Variants in ABHD2 observed in about 807,000 individuals in gnomAD.
ABHD2 encodes monoacylglycerol lipase ABHD2.
Under a neutral mutation model 48.1 loss-of-function variants are expected in ABHD2, and 20 were observed. The observed-to-expected ratio is 0.42, with a 90% confidence interval of 0.29 to 0.60. The LOEUF is 0.60. Among genes scored for constraint, ABHD2 ranks in the 20% least tolerant of loss-of-function variants. The pLI is 0.24. For missense variants in ABHD2, 405 were observed against 550.9 expected, an observed-to-expected ratio of 0.74 and a Z score of 2.65; for synonymous variants, 209 against 214.2, an observed-to-expected ratio of 0.98 and a Z score of 0.21.
chr15:89,183,382 AAAATATATATATATAT>A (rs1308718836), intron 6 of ABHD2: 964 of 55,572 alleles, frequency 0.017, 16 homozygotes, highest in African/African-American at 0.055. Flanking sequence ...AAAAAAAAAA[AAAATATATATATATAT>A]ATATATATAT....
chr15:89,068,275 C>G, the ABHD2 span, among the ~76,000 whole-genome samples: 5 of 152,136 alleles, frequency 3.3e-5, no homozygotes, highest in Admixed American at 3.3e-4. Context: ...TGCTACATAA[C>G]AAACCACCCC....
At chr15:89,115,947 A>T (rs2049953096) in intron 2 of ABHD2, among the ~76,000 whole-genome samples, 1 of 152,176 alleles carries the variant, frequency 6.6e-6, no homozygotes, top group African/African-American at 2.4e-5. Flanking sequence ...CTGTTAACAA[A>T]AATCAAAGTG....
rs1049917580 is a variant in ABHD2, at chr15:89,188,331, G to C, written c.926+28G>C. On this transcript the variant is annotated intron_variant, in intron 8 of 10. Transcript: ENST00000352732. This position sits in a 1 kb window ranked among gnomAD's most constrained non-coding sequence, Gnocchi z 4.1. ...GTGTCCGCGCAGGCGGGAGAGGGAC[G>C]CTCTGGGGCAGGGTGCCAGGCAGGA... The C allele has an allele frequency of 6.2e-7, 1 of 1,602,404 alleles. No homozygotes were observed. Among genetic ancestry groups the C allele is most frequent in the East Asian group, 2.2e-5 (1 of 44,816 alleles).
At chr15:89,141,739 C>T (rs1049656475) in intron 3 of ABHD2, among the ~76,000 whole-genome samples, 1 of 152,112 alleles carries the variant, frequency 6.6e-6, no homozygotes, top group Non-Finnish European at 1.5e-5. Flanking sequence ...GTCTCTTTAC[C>T]CTTTCTCCTG....
At chr15:89,048,990 T>A in the ABHD2 span, among the ~76,000 whole-genome samples, 1 of 151,868 alleles carries the variant, frequency 6.6e-6, no homozygotes, top group Admixed American at 6.6e-5. Flanking sequence ...TTTTTTCTGC[T>A]CTGTTTTTTC....
rs927877795 is a variant in ABHD2 at position 89,174,041 on chromosome 15, G to A, written c.539-1771G>A. 2.6e-5 allele frequency among the ~76,000 whole-genome samples: 4 copies of A among 152,100 alleles called. No homozygotes were observed. The highest frequency in any genetic ancestry group is 9.7e-5 in the African/African-American group (4 of 41,418). On this transcript the variant is annotated intron_variant, in intron 5 of 10. Coordinates refer to ENST00000352732, the MANE Select transcript of ABHD2 (RefSeq NM_152924.5). The surrounding 1 kb of genome is among the most constrained non-coding windows in gnomAD (Gnocchi z 4.1). ...AAGAGGCATGAGGAGGCCTCCAGGG[G>A]TGTCAAAAATATTCTGCGTCTTCAT...
At chr15:89,101,132 C>A (rs765034777) in intron 1 of ABHD2, among the ~76,000 whole-genome samples, 7 of 152,192 alleles carry the variant, frequency 4.6e-5, no homozygotes, top group Non-Finnish European at 1.0e-4. Context: ...TTCCTTTCTT[C>A]TGCTACCTCC....
At chr15:89,080,020 C>A in the ABHD2 span, among the ~76,000 whole-genome samples, 1 of 152,222 alleles carries the variant, frequency 6.6e-6, no homozygotes, top group South Asian at 2.1e-4. Flanking sequence ...AGAAACTCCA[C>A]CTCGGCCATG....
intron 3 of ABHD2, among the ~76,000 whole-genome samples, chr15:89,147,733 A>G (rs942309079): frequency 2.0e-5 from 3 of 152,194 alleles, no homozygotes; most frequent in African/African-American, 4.8e-5. Flanking sequence ...TTTTAACTTT[A>G]TCTTGTTATA....
chr15:89,143,413 A>G (rs374146366), intron 3 of ABHD2, among the ~76,000 whole-genome samples: 7 of 152,332 alleles, frequency 4.6e-5, no homozygotes, highest in African/African-American at 9.6e-5. Flanking sequence ...CACGCCTGTA[A>G]TCCCAGCACT....
chr15:89,071,369 C>T, the ABHD2 span, among the ~76,000 whole-genome samples: 1 of 151,946 alleles, frequency 6.6e-6, no homozygotes, highest in African/African-American at 2.4e-5. Flanking sequence ...TGCAGTGAGC[C>T]AAGATTGTGC....
chr15:89,180,743 G>C (rs2051096808), intron 6 of ABHD2, among the ~76,000 whole-genome samples: 2 of 152,192 alleles, frequency 1.3e-5, no homozygotes, highest in Admixed American at 1.3e-4. Context: ...TCTCTCTGCA[G>C]GCTGGGCTGG....
At chr15:89,059,517 T>C in the ABHD2 span, among the ~76,000 whole-genome samples, 1 of 152,118 alleles carries the variant, frequency 6.6e-6, no homozygotes, top group African/African-American at 2.4e-5. Flanking sequence ...CTTGTCACAA[T>C]GTTGGGCAGA....
chr15:89,190,421 G>T (rs1350483078), intron 8 of ABHD2, among the ~76,000 whole-genome samples: 1 of 152,022 alleles, frequency 6.6e-6, no homozygotes, highest in African/African-American at 2.4e-5. Flanking sequence ...AGAGATAAAG[G>T]GACAGAATTG....
upstream of ABHD2, chr15:89,088,225 C>G (rs919912704): frequency 1.3e-5 from 2 of 152,384 alleles, no homozygotes; most frequent in African/African-American, 4.8e-5. This position sits in a 1 kb window ranked among gnomAD's most constrained non-coding sequence, Gnocchi z 6.8. Context: ...CTAAAGCCGT[C>G]AAATGTAACC....
At chr15:89,082,705 C>T (rs377133282), upstream of ABHD2, 32 of 152,258 alleles carry the variant, frequency 2.1e-4, no homozygotes, top group African/African-American at 7.7e-4. This position sits in a 1 kb window ranked among gnomAD's most constrained non-coding sequence, Gnocchi z 4.4. Flanking sequence ...CTATATCCAT[C>T]CCCACCTAGG....
chr15:89,157,782 G>A (rs1305556614), intron 5 of ABHD2, among the ~76,000 whole-genome samples: 1 of 151,988 alleles, frequency 6.6e-6, no homozygotes, highest in Non-Finnish European at 1.5e-5. Flanking sequence ...GGTGGAGCTT[G>A]CAGTGAGCTG....
chr15:89,121,957 G>A (rs966728854), intron 3 of ABHD2, among the ~76,000 whole-genome samples: 5 of 152,148 alleles, frequency 3.3e-5, no homozygotes, highest in African/African-American at 1.2e-4. Context: ...CTCCCAAGTA[G>A]CTGGGACTAC....
At position 89,114,491 on chromosome 15, in the gene ABHD2, T is replaced by G. The variant is rs1369406382; in HGVS notation, c.-7+667T>G. Reference sequence around the variant, plus strand: ...GTTTTTTTTGTTTTGTTTTTTGTTTTTGTTTTTTTGAGACGGCGTTTCGCT... The same window carrying G: ...GTTTTTTTTGTTTTGTTTTTTGTTTGTGTTTTTTTGAGACGGCGTTTCGCT... On this transcript the variant is annotated intron_variant, in intron 2 of 10. Transcript: ENST00000352732. This position sits in a 1 kb window ranked among gnomAD's most constrained non-coding sequence, Gnocchi z 4.2. Among the ~76,000 whole-genome samples, 3 of 152,266 alleles carry G rather than the reference T, an allele frequency of 2.0e-5. No homozygotes were observed. The East Asian group carries it at 5.8e-4, about 29-fold the overall frequency.
Sources: gnomAD v4.1 joint callset for allele counts (sites outside exome capture counted in the v4.1 genomes callset) on GRCh38, gnomAD v4.1.1 for gene constraint, Gnocchi (gnomAD v3.1) non-coding constraint, MANE v1.5 for transcripts, NCBI Gene and HGNC (gene_info 2026-07-23, HGNC 2026-07-21) for gene names.